Variants in FMN1 observed in about 807,000 individuals in gnomAD.
FMN1 encodes formin 1.
Under a neutral mutation model 132.4 loss-of-function variants are expected in FMN1, and 110 were observed. The ratio of observed to expected loss-of-function variants is 0.83; its 90% CI spans 0.71 to 0.97. FMN1 has a LOEUF of 0.97. Ranked by LOEUF, FMN1 falls within the 50% of genes least tolerant of loss-of-function variation. FMN1 has a pLI of 0.00. For synonymous variants in FMN1, 722 were observed against 651.7 expected (o/e 1.11, Z -1.64); for missense variants, 1,792 against 1,705.3 (o/e 1.05, Z -0.90).
intron 12 of FMN1, among the ~76,000 whole-genome samples, chr15:32,904,428 C>T (rs953723515): frequency 5.3e-5 from 8 of 152,088 alleles, no homozygotes; most frequent in Admixed American, 3.3e-4. Context: ...ACAGTTTCTG[C>T]TTTTTGTTGT....
At chr15:33,069,425 C>T (rs535507090) in intron 5 of FMN1, among the ~76,000 whole-genome samples, 50 of 152,314 alleles carry the variant, frequency 3.3e-4, no homozygotes, top group African/African-American at 1.0e-3. Context: ...TAATTGCCAT[C>T]TCTGTTTGAG....
At chr15:33,079,399 G>A (rs368279426) in intron 5 of FMN1, among the ~76,000 whole-genome samples, 17 of 152,182 alleles carry the variant, frequency 1.1e-4, no homozygotes, top group African/African-American at 2.7e-4. Context: ...AGGGAGGGAG[G>A]ATCACCTGAG....
At chr15:32,984,764 T>C (rs73372988) in intron 7 of FMN1, among the ~76,000 whole-genome samples, 9,963 of 152,130 alleles carry the variant, frequency 0.065, 356 homozygotes, top group Middle Eastern at 0.095. Flanking sequence ...TCTACACAAA[T>C]TGCATTAAGC....
chr15:33,154,556 T>C lies in FMN1; in HGVS notation c.359A>G (p.Gln120Arg), dbSNP rs1195152363. The C allele has an allele frequency of 6.5e-7, 1 of 1,536,078 alleles. No homozygotes were observed. The highest frequency in any genetic ancestry group is 8.7e-7 in the Non-Finnish European group (1 of 1,146,890). ...ITMGNQEGKL[Q>R]ELSVSLAPED... Reference sequence around the variant, plus strand: ...GGGGGCCAGGCTCACGGACAGCTCTTGCAGCTTCCCCTCCTGGTTCCCCAT... The same window carrying C: ...GGGGGCCAGGCTCACGGACAGCTCTCGCAGCTTCCCCTCCTGGTTCCCCAT... Residue 120 changes from glutamine (Q) to arginine (R), a missense_variant, in exon 4 of 21, where the codon CAA becomes CGA. Gln to Arg is a conservative substitution (Grantham distance 43, BLOSUM62 1). This residue lies in a region of FMN1 where 638 missense variants were observed against 645.2 expected (regional missense o/e 0.99). Transcript: ENST00000616417.
intron 4 of FMN1, among the ~76,000 whole-genome samples, chr15:33,092,926 A>G (rs2038953710): frequency 6.6e-6 from 1 of 152,232 alleles, no homozygotes; most frequent in South Asian, 2.1e-4. Context: ...ACACCCATTT[A>G]CTCATTCATA....
intron 9 of FMN1, among the ~76,000 whole-genome samples, chr15:32,962,763 C>G (rs1354495794): frequency 6.6e-6 from 1 of 151,238 alleles, no homozygotes; most frequent in Non-Finnish European, 1.5e-5. Context: ...CACTGGCCAT[C>G]AGAGAAATGC....
intron 4 of FMN1, among the ~76,000 whole-genome samples, chr15:33,112,008 TCA>T (rs2039725002): frequency 6.6e-6 from 1 of 152,194 alleles, no homozygotes; most frequent in African/African-American, 2.4e-5. Context: ...ATTGGTTGTA[TCA>T]CATTTTACTG....
chr15:33,153,148 GA>G lies in FMN1; in HGVS notation c.1766del (p.Phe589SerfsTer98). 6.5e-7 allele frequency: 1 copy of G among 1,536,156 alleles called. No individual in the cohort carries two copies. Among genetic ancestry groups the G allele is most frequent in the Non-Finnish European group, 8.7e-7 (1 of 1,146,920 alleles). On this transcript the variant is annotated frameshift_variant, in exon 4 of 21. Coordinates refer to ENST00000616417, the MANE Select transcript of FMN1 (RefSeq NM_001277313.2). LOFTEE classifies it high-confidence loss of function. ...VTETKGASPA[F>X]LRAGQPRLVP... ...CCAACCGAGGTTGGCCTGCTCTGAG[GA>G]AGGCCGGGCTGGCTCCTTTGGTCTC...
At chr15:33,045,817 A>G (rs1013899905) in intron 6 of FMN1, among the ~76,000 whole-genome samples, 2 of 152,166 alleles carry the variant, frequency 1.3e-5, no homozygotes, top group Non-Finnish European at 2.9e-5. Flanking sequence ...GTGCACATGT[A>G]GGTAGGAAAA....
chr15:33,099,304 T>A (rs1253973207), intron 4 of FMN1, among the ~76,000 whole-genome samples: 8 of 152,172 alleles, frequency 5.3e-5, no homozygotes, highest in Admixed American at 5.2e-4. Flanking sequence ...TAAGTCAATC[T>A]ATCAATAAAC....
Position 33,153,611 on chromosome 15 carries a change from T to A in FMN1, c.1304A>T (p.Glu435Val). The A allele has an allele frequency of 1.3e-6, 2 of 1,536,194 alleles. No individual in the cohort carries two copies. Among genetic ancestry groups the A allele is most frequent in the Non-Finnish European group, 1.7e-6 (2 of 1,146,868 alleles). ...IESEKLDEAP[E>V]GKRLGFPVHT... The stretch of plus-strand genomic sequence containing the variant: ...GACAGGGAAGCCCAGTCTTTTCCCC[T>A]CAGGGGCTTCATCTAACTTCTCACT... The change falls in exon 4 of 21, where the codon GAG becomes GTG. Residue 435 changes from glutamate to valine, a missense_variant. By Grantham distance (121) the Glu-to-Val change is moderately radical. Transcript: ENST00000616417.
At chr15:32,989,572 G>A (rs1476674485) in intron 7 of FMN1, among the ~76,000 whole-genome samples, 10 of 152,056 alleles carry the variant, frequency 6.6e-5, no homozygotes, top group African/African-American at 2.4e-4. Flanking sequence ...CCCACCAAAA[G>A]AAAGAAAGCC....
rs367681246 is a variant in FMN1, at chr15:33,137,758, C to T, written c.1867+15290G>A. On this transcript the variant is annotated intron_variant, in intron 4 of 20. Coordinates refer to ENST00000616417, the MANE Select transcript of FMN1 (RefSeq NM_001277313.2). ...GCTAAGAGGGGAGCATCAGGTACTG[C>T]GGTTTCTTAAAGAACCCACCACCAT... Among the ~76,000 whole-genome samples the T allele has an allele frequency of 3.9e-5, 6 of 152,178 alleles. No individual in the cohort carries two copies. In the East Asian group the frequency reaches 5.8e-4, roughly 15 times the overall value.
At chr15:32,883,358 A>C (rs565981796) in intron 16 of FMN1, among the ~76,000 whole-genome samples, 1 of 151,914 alleles carries the variant, frequency 6.6e-6, no homozygotes, top group South Asian at 2.1e-4. Context: ...ACAATTTACA[A>C]AATTAGCTGG....
intron 5 of FMN1, chr15:33,066,734 C>T (rs1490031067): frequency 5.0e-6 from 8 of 1,613,932 alleles, no homozygotes; most frequent in Non-Finnish European, 5.9e-6. Flanking sequence ...TTGTGGTACT[C>T]CAGGGCCGCT....
intron 17 of FMN1, among the ~76,000 whole-genome samples, chr15:32,819,932 T>C (rs1356908393): frequency 6.6e-6 from 1 of 152,216 alleles, no homozygotes; most frequent in African/African-American, 2.4e-5. Flanking sequence ...GAAACAGGAC[T>C]GGCAAGAATA....
intron 16 of FMN1, among the ~76,000 whole-genome samples, chr15:32,859,130 G>T (rs1596103921): frequency 6.6e-6 from 1 of 152,196 alleles, no homozygotes; most frequent in Non-Finnish European, 1.5e-5. Context: ...GAAGTATCTT[G>T]TTGGATTATG....
intron 4 of FMN1, among the ~76,000 whole-genome samples, chr15:33,128,064 C>T (rs1963278906): frequency 6.6e-6 from 1 of 151,500 alleles, no homozygotes; most frequent in Non-Finnish European, 1.5e-5. Flanking sequence ...ACAGAAAGGA[C>T]AAAAAAGATG....
At chr15:33,128,751 T>C (rs533035647) in intron 4 of FMN1, among the ~76,000 whole-genome samples, 10 of 152,338 alleles carry the variant, frequency 6.6e-5, no homozygotes, top group Middle Eastern at 3.4e-3. Flanking sequence ...TGGTGAATTT[T>C]AAAGCCCTTA....
Sources: gnomAD v4.1 joint callset for allele counts (sites outside exome capture counted in the v4.1 genomes callset) on GRCh38, gnomAD v4.1.1 for gene constraint, gnomAD v4.1.1 regional missense constraint, MANE v1.5 for transcripts, NCBI Gene and HGNC (gene_info 2026-07-23, HGNC 2026-07-21) for gene names.